The following FOSL2 variants were observed in gnomAD, a reference collection of about 807,000 sequenced individuals.
FOSL2 encodes fos-related antigen 2.
FOSL2 carries 3 observed loss-of-function variants against 27.7 expected under a neutral mutation model. The observed-to-expected ratio is 0.11, with a 90% confidence interval of 0.05 to 0.28. The LOEUF is 0.28. Among genes scored for constraint, FOSL2 ranks in the 10% least tolerant of loss-of-function variants. The probability of loss-of-function intolerance (pLI) is 1.00; values close to 1 mark genes in which losing one functional copy is unlikely to be tolerated. For missense variants in FOSL2, 333 were observed against 445.1 expected (o/e 0.75, Z 2.27); for synonymous variants, 179 against 190.1 (o/e 0.94, Z 0.48).
At chr2:28,407,338 G>T (rs1664104937) in intron 2 of FOSL2, among the ~76,000 whole-genome samples, 1 of 152,218 alleles carries the variant, frequency 6.6e-6, no homozygotes, top group African/African-American at 2.4e-5. Context: ...TCAGGGCCTT[G>T]GCCAAATGGC....
At chr2:28,399,617 C>T (rs376253709) in intron 1 of FOSL2, among the ~76,000 whole-genome samples, 13 of 152,134 alleles carry the variant, frequency 8.5e-5, no homozygotes, top group Non-Finnish European at 1.3e-4. Context: ...AGGGTTTGAA[C>T]GTCGGCTCAG....
rs1664045867 is a variant in FOSL2, at chr2:28,404,883, A to T, written c.354+525A>T. On this transcript the variant is annotated intron_variant, in intron 2 of 3. Transcript: ENST00000264716. This position sits in a 1 kb window ranked among gnomAD's most constrained non-coding sequence, Gnocchi z 4.7. Reference sequence around the variant, plus strand: ...TTCTAGGCCTCCAACTCGGAGCAGGAGCCTATTTCAAGGGCCTGGAATGCA... The same window carrying T: ...TTCTAGGCCTCCAACTCGGAGCAGGTGCCTATTTCAAGGGCCTGGAATGCA... 6.6e-6 allele frequency among the ~76,000 whole-genome samples: 1 copy of T among 152,110 alleles called. No individual in the cohort carries two copies. Among genetic ancestry groups the T allele is most frequent in the African/African-American group, 2.4e-5 (1 of 41,434 alleles).
chr2:28,397,613 C>T (rs565608110), intron 1 of FOSL2, among the ~76,000 whole-genome samples: 1 of 152,216 alleles, frequency 6.6e-6, no homozygotes, highest in Non-Finnish European at 1.5e-5. Flanking sequence ...ATTTCTGCTT[C>T]TGCCTGTCTT....
intron 3 of FOSL2, among the ~76,000 whole-genome samples, chr2:28,409,115 G>C (rs1477998719): frequency 6.6e-6 from 1 of 152,188 alleles, no homozygotes; most frequent in Non-Finnish European, 1.5e-5. Flanking sequence ...ACCTTCTGTG[G>C]GGGTGCTAGC....
In FOSL2 at chr2:28,393,529, G is replaced by A; in HGVS notation, c.-192G>A. ...GAAAGAAGTGCTGTAAGGGACGCTC[G>A]GGGGACGCTGTTCCTGAGGTGTCGC... On this transcript the variant is annotated 5_prime_UTR_variant, in exon 1 of 4. Transcript: ENST00000264716. The surrounding 1 kb of genome is among the most constrained non-coding windows in gnomAD (Gnocchi z 4.6). 1 of 553,546 alleles carries A rather than the reference G, an allele frequency of 1.8e-6. No individual in the cohort carries two copies. The highest frequency in any genetic ancestry group is 3.8e-5 in the Admixed American group (1 of 26,252). 34.3% of individuals were successfully genotyped at this position (553,546 alleles called of 1,614,324 possible). A position where few individuals can be genotyped will look rare whatever the true frequency, so the allele number is the denominator to read the frequency against.
intron 3 of FOSL2, 200 bp from the exon 4 acceptor site, chr2:28,411,730 C>A: frequency 1.6e-6 from 1 of 620,766 alleles, no homozygotes; most frequent in Non-Finnish European, 2.8e-6. Context: ...TACCCCCTCT[C>A]CAAGCTGACT....
intron 2 of FOSL2, among the ~76,000 whole-genome samples, chr2:28,406,201 G>A (rs1664076285): frequency 6.6e-6 from 1 of 152,060 alleles, no homozygotes; most frequent in East Asian, 1.9e-4. Context: ...TGGGATTACA[G>A]GCATGCACCA....
At chr2:28,401,331 A>G (rs1032877242) in intron 1 of FOSL2, among the ~76,000 whole-genome samples, 4 of 152,076 alleles carry the variant, frequency 2.6e-5, no homozygotes, top group African/African-American at 9.7e-5. Flanking sequence ...GTTTTTTACA[A>G]GCTCCTTGGA....
chr2:28,407,321 G>C (rs1228083082), intron 2 of FOSL2, among the ~76,000 whole-genome samples: 2 of 152,256 alleles, frequency 1.3e-5, no homozygotes, highest in Non-Finnish European at 2.9e-5. Context: ...TTAGGAGCAG[G>C]AAGTATTCAG....
chr2:28,394,940 G>A (rs1663780313), intron 1 of FOSL2, among the ~76,000 whole-genome samples: 1 of 152,310 alleles, frequency 6.6e-6, no homozygotes, highest in Non-Finnish European at 1.5e-5. Context: ...GGGCTTCCAG[G>A]GAGGGGTGGA....
At position 28,415,759 on chromosome 2, in the gene FOSL2, G is replaced by A. The variant is rs1664300709; in HGVS notation, c.*3311G>A. The A allele has an allele frequency of 6.6e-6, 1 of 152,208 alleles. No individual in the cohort carries two copies. The highest frequency in any genetic ancestry group is 1.5e-5 in the Non-Finnish European group (1 of 68,040). The allele number at this position is 152,208 out of a possible 1,614,324, so 9.4% of individuals were successfully genotyped here. On this transcript the variant is annotated 3_prime_UTR_variant, in exon 4 of 4. Coordinates refer to ENST00000264716, the MANE Select transcript of FOSL2 (RefSeq NM_005253.4). The stretch of plus-strand genomic sequence containing the variant: ...GATCCTCGTTAGGATGAGACTAAGG[G>A]ATGAGGACATCTCTTTATAAAAGGC...
chr2:28,393,810 C>G lies in FOSL2; in HGVS notation c.90C>G (p.Gly30=). 11 of 1,596,790 alleles carry G rather than the reference C, an allele frequency of 6.9e-6. No homozygotes were observed. Among genetic ancestry groups the G allele is most frequent in the Non-Finnish European group, 9.4e-6 (11 of 1,172,610 alleles). Residue 30 remains glycine, a synonymous_variant, in exon 1 of 4, where the codon GGC becomes GGG. Transcript: ENST00000264716. This position sits in a 1 kb window ranked among gnomAD's most constrained non-coding sequence, Gnocchi z 4.6. ...PAHAESYSSG[G]GGQQKFRVDM... Reference sequence around the variant, plus strand: ...ACGCCGAGTCCTACTCCAGCGGCGGCGGCGGCCAGCAGGTAGGTGCGGGCC... The same window carrying G: ...ACGCCGAGTCCTACTCCAGCGGCGGGGGCGGCCAGCAGGTAGGTGCGGGCC...
At chr2:28,399,288 C>T (rs987707649) in intron 1 of FOSL2, among the ~76,000 whole-genome samples, 13 of 152,204 alleles carry the variant, frequency 8.5e-5, no homozygotes, top group African/African-American at 3.1e-4. Context: ...TGGGATAAGC[C>T]CTCGGCCCCA....
chr2:28,400,776 G>A (rs1001713730), intron 1 of FOSL2, among the ~76,000 whole-genome samples: 3 of 152,208 alleles, frequency 2.0e-5, no homozygotes, highest in African/African-American at 7.2e-5. Context: ...CACACACCAC[G>A]GACCTGCCCT....
intron 1 of FOSL2, among the ~76,000 whole-genome samples, chr2:28,401,905 A>G (rs1460995048): frequency 6.6e-6 from 1 of 152,204 alleles, no homozygotes; most frequent in Admixed American, 6.5e-5. Flanking sequence ...CCAGTATCCC[A>G]GAACCCATTG....
chr2:28,411,889 G>C (rs764611129), intron 3 of FOSL2, 41 bp from the exon 4 acceptor site: 1 of 1,612,080 alleles, frequency 6.2e-7, no homozygotes, highest in African/African-American at 1.3e-5. Flanking sequence ...ATTGGTCCCT[G>C]GCAGGTTGCT....
intron 1 of FOSL2, among the ~76,000 whole-genome samples, chr2:28,400,358 A>C (rs1558566009): frequency 6.6e-6 from 1 of 152,200 alleles, no homozygotes; most frequent in Non-Finnish European, 1.5e-5. Flanking sequence ...GCATAGAAGA[A>C]TGCTAGGCTA....
rs542451415 is a variant in FOSL2, at chr2:28,413,164, C to T, written c.*716C>T. 60 of 232,408 alleles carry T rather than the reference C, an allele frequency of 2.6e-4. No homozygotes were observed. Among genetic ancestry groups the T allele is most frequent in the East Asian group, 1.3e-3 (15 of 11,992 alleles). The allele number at this position is 232,408 out of a possible 1,614,324, so 14.4% of individuals were successfully genotyped here. ...GACCCTTCCTGCCCACCTTCGGAGA[C>T]GGCTTCTGGAGGAACGGCTTGGCCA... On this transcript the variant is annotated 3_prime_UTR_variant, in exon 4 of 4. Coordinates refer to ENST00000264716, the MANE Select transcript of FOSL2 (RefSeq NM_005253.4).
chr2:28,412,491 G>A lies in FOSL2; in HGVS notation c.*43G>A, dbSNP rs765460511. On this transcript the variant is annotated 3_prime_UTR_variant, in exon 4 of 4. Coordinates refer to ENST00000264716, the MANE Select transcript of FOSL2 (RefSeq NM_005253.4). The surrounding 1 kb of genome is among the most constrained non-coding windows in gnomAD (Gnocchi z 7.1). ...CCCAGCTCCGGAGGGGGTCCTCCTC[G>A]CTCCTCCTTCCCAGGGACCAGCACC... 1.7e-5 allele frequency: 26 copies of A among 1,572,970 alleles called. No individual in the cohort carries two copies. The highest frequency in any genetic ancestry group is 1.3e-4 in the South Asian group (11 of 87,314).
Sources: gnomAD v4.1 joint callset for allele counts (sites outside exome capture counted in the v4.1 genomes callset) on GRCh38, gnomAD v4.1.1 for gene constraint, Gnocchi (gnomAD v3.1) non-coding constraint, MANE v1.5 for transcripts, NCBI Gene and HGNC (gene_info 2026-07-23, HGNC 2026-07-21) for gene names.